The following ROBO2 variants were observed in gnomAD, a reference collection of about 807,000 sequenced individuals.
ROBO2 encodes roundabout homolog 2.
ROBO2 carries 53 observed loss-of-function variants against 160.8 expected under a neutral mutation model. The ratio of observed to expected loss-of-function variants is 0.33; its 90% confidence interval spans 0.26 to 0.41. The LOEUF is 0.41. Among genes scored for constraint, ROBO2 ranks in the 10% least tolerant of loss-of-function variants. The pLI, the probability that ROBO2 is intolerant of heterozygous loss-of-function variation, is 1.00. For missense variants in ROBO2, 1,577 were observed against 1,722.4 expected, an observed-to-expected ratio of 0.92 and a Z score of 1.49; for synonymous variants, 664 against 611.7, an observed-to-expected ratio of 1.09 and a Z score of -1.26.
intron 2 of ROBO2, among the ~76,000 whole-genome samples, chr3:77,459,797 C>A (rs1251426621): frequency 1.3e-5 from 2 of 151,922 alleles, no homozygotes; most frequent in Admixed American, 6.6e-5. Context: ...AGTAACTGGC[C>A]TTGCTAGAAG....
At chr3:76,544,503 T>G (rs1027524290) in intron 2 of ROBO2, among the ~76,000 whole-genome samples, 2 of 152,066 alleles carry the variant, frequency 1.3e-5, no homozygotes, top group African/African-American at 4.8e-5. Flanking sequence ...TTTTTTGGCT[T>G]TTTAAATTCA....
chr3:77,477,309 A>G (rs2084129438), intron 2 of ROBO2, 105 bp from the exon 3 acceptor site: 1 of 1,175,626 alleles, frequency 8.5e-7, no homozygotes, highest in Non-Finnish European at 1.3e-6. Flanking sequence ...AAATCCAGGC[A>G]ATTTTTACTA....
intron 2 of ROBO2, among the ~76,000 whole-genome samples, chr3:76,547,588 T>A (rs1285310298): frequency 6.6e-6 from 1 of 152,134 alleles, no homozygotes; most frequent in Non-Finnish European, 1.5e-5. Flanking sequence ...TTGAATATTA[T>A]TCAACACATT....
intron 1 of ROBO2, among the ~76,000 whole-genome samples, chr3:77,067,720 T>TGGA (rs1242441526): frequency 2.0e-5 from 3 of 152,118 alleles, no homozygotes; most frequent in Non-Finnish European, 4.4e-5. Flanking sequence ...TTAGCCTCAG[T>TGGA]GGACCTTAGA....
intron 19 of ROBO2, among the ~76,000 whole-genome samples, chr3:77,597,801 T>A (rs1032805754): frequency 3.3e-5 from 5 of 152,142 alleles, no homozygotes; most frequent in Non-Finnish European, 7.4e-5. Context: ...ATGGAGGAAT[T>A]TCCTAATGAC....
intron 2 of ROBO2, among the ~76,000 whole-genome samples, chr3:77,019,672 A>G (rs558714269): frequency 2.0e-5 from 3 of 152,218 alleles, no homozygotes; most frequent in Non-Finnish European, 4.4e-5. Flanking sequence ...TCAAACTACC[A>G]GATCTTGATT....
intron 5 of ROBO2, among the ~76,000 whole-genome samples, chr3:77,515,773 C>A (rs755398285): frequency 6.6e-6 from 1 of 151,600 alleles, no homozygotes; most frequent in Non-Finnish European, 1.5e-5. Flanking sequence ...ATGAAAATTG[C>A]GCCAGAAGAC....
intron 2 of ROBO2, among the ~76,000 whole-genome samples, chr3:77,203,685 G>A (rs186450176): frequency 2.0e-4 from 31 of 152,182 alleles, no homozygotes; most frequent in Admixed American, 5.2e-4. Flanking sequence ...AAGAGGCTTC[G>A]AGGCTTCTCT....
intron 2 of ROBO2, among the ~76,000 whole-genome samples, chr3:76,896,883 C>T (rs934166198): frequency 6.6e-6 from 1 of 152,034 alleles, no homozygotes; most frequent in African/African-American, 2.4e-5. Context: ...TTTTAAGCTC[C>T]AAATTTCAAA....
chr3:77,271,877 C>T (rs762509898), intron 2 of ROBO2, among the ~76,000 whole-genome samples: 34 of 152,174 alleles, frequency 2.2e-4, no homozygotes, highest in Non-Finnish European at 2.6e-4. Context: ...CAGGTTCTTA[C>T]AGCCAGAGGG....
chr3:77,201,473 C>T (rs2082906752), intron 2 of ROBO2, among the ~76,000 whole-genome samples: 1 of 152,156 alleles, frequency 6.6e-6, no homozygotes, highest in Non-Finnish European at 1.5e-5. Context: ...TATGATGTTA[C>T]TCTTTGTGCC....
intron 2 of ROBO2, among the ~76,000 whole-genome samples, chr3:76,997,425 G>A (rs567749533): frequency 6.6e-6 from 1 of 152,234 alleles, no homozygotes; most frequent in African/African-American, 2.4e-5. Context: ...GGGGTCTAAT[G>A]TTCTTTTACA....
chr3:76,665,501 A>C (rs747658903), intron 2 of ROBO2, among the ~76,000 whole-genome samples: 38 of 151,840 alleles, frequency 2.5e-4, no homozygotes, highest in Non-Finnish European at 5.1e-4. Context: ...CCTAGACCAC[A>C]AGCACCTCCT....
At chr3:76,296,704 C>T (rs1040867737) in intron 2 of ROBO2, among the ~76,000 whole-genome samples, 6 of 152,104 alleles carry the variant, frequency 3.9e-5, no homozygotes, top group Non-Finnish European at 7.3e-5. Flanking sequence ...GGGAGTGTGA[C>T]GTATTAATGC....
chr3:76,499,880 A>G, intron 2 of ROBO2, among the ~76,000 whole-genome samples: 1 of 152,124 alleles, frequency 6.6e-6, no homozygotes, highest in South Asian at 2.1e-4. Context: ...TGATGGTTCC[A>G]AGCTAGCCCG....
chr3:77,527,329 G>A, intron 6 of ROBO2, 74 bp from the exon 7 acceptor site: 1 of 1,091,526 alleles, frequency 9.2e-7, no homozygotes, highest in Non-Finnish European at 1.2e-6. Context: ...TACACATCAT[G>A]CATTCTGATA....
At chr3:76,592,561 T>C (rs1235570739) in intron 2 of ROBO2, among the ~76,000 whole-genome samples, 1 of 152,104 alleles carries the variant, frequency 6.6e-6, no homozygotes, top group Non-Finnish European at 1.5e-5. Flanking sequence ...AAATATGTTA[T>C]CAAAATACCA....
At chr3:77,570,422 G>A (rs1171329142) in intron 13 of ROBO2, among the ~76,000 whole-genome samples, 1 of 151,968 alleles carries the variant, frequency 6.6e-6, no homozygotes, top group Non-Finnish European at 1.5e-5. Context: ...TAACTTCTGT[G>A]AGGCTACAGC....
At chr3:76,019,109 A>G (rs1234332303) in intron 2 of ROBO2, among the ~76,000 whole-genome samples, 2 of 151,536 alleles carry the variant, frequency 1.3e-5, no homozygotes, top group Non-Finnish European at 2.9e-5. Context: ...TTCTGTGCGT[A>G]TCTGCGAATA....
Sources: gnomAD v4.1 joint callset for allele counts (sites outside exome capture counted in the v4.1 genomes callset) on GRCh38, gnomAD v4.1.1 for gene constraint, MANE v1.5 for transcripts, NCBI Gene and HGNC (gene_info 2026-07-23, HGNC 2026-07-21) for gene names.